The following RAD17 variants were observed in gnomAD, a reference collection of about 807,000 sequenced individuals.
The protein encoded by RAD17 is cell cycle checkpoint protein RAD17.
In RAD17, 31 loss-of-function variants were observed where a neutral mutation model predicts 81.5. The observed-to-expected ratio is 0.38, with a 90% CI of 0.29 to 0.51. The LOEUF is 0.51. RAD17 is among the 20% of genes least tolerant of loss of function. The pLI is 0.88. For missense variants in RAD17, 681 were observed against 781.2 expected, an observed-to-expected ratio of 0.87 and a Z score of 1.53; for synonymous variants, 261 against 266.2, an observed-to-expected ratio of 0.98 and a Z score of 0.19.
At position 69,411,263 on chromosome 5, in the gene RAD17, T is replaced by A. The variant is rs562005965; in HGVS notation, c.1751+713T>A. ...GTGTCTCTACTAAAAATACAAAATT[T>A]AGCTGGGTGTGGTGGCACATGCCTG... On this transcript the variant is annotated intron_variant, in intron 18 of 18. Transcript: ENST00000354868. Among the ~76,000 whole-genome samples the A allele has an allele frequency of 1.5e-3, 230 of 151,748 alleles. 1 individual carries two copies. The highest frequency in any genetic ancestry group is 3.3e-3 in the Admixed American group (50 of 15,224).
chr5:69,402,046 AC>A (rs1446791959), intron 17 of RAD17, among the ~76,000 whole-genome samples: 26 of 149,196 alleles, frequency 1.7e-4, no homozygotes, highest in African/African-American at 6.3e-4. Context: ...TAGTTTTTAA[AC>A]TTTTTGTTTT....
chr5:69,410,982 TATATATATATATATAC>T (rs1220114298), intron 18 of RAD17, among the ~76,000 whole-genome samples: 23 of 144,096 alleles, frequency 1.6e-4, no homozygotes, highest in Middle Eastern at 3.6e-3. Flanking sequence ...TATATATATA[TATATATATATATATAC>T]TGTTCATTTT....
chr5:69,404,456 A>T (rs928911852), intron 17 of RAD17, among the ~76,000 whole-genome samples: 4 of 152,120 alleles, frequency 2.6e-5, no homozygotes, highest in Non-Finnish European at 5.9e-5. Flanking sequence ...ACATGGTGAA[A>T]CCCTGTCTCT....
intron 17 of RAD17, among the ~76,000 whole-genome samples, chr5:69,406,451 C>G (rs1437096933): frequency 6.6e-6 from 1 of 152,004 alleles, no homozygotes; most frequent in Non-Finnish European, 1.5e-5. Flanking sequence ...TTCAAGAATT[C>G]TATTTTACAA....
chr5:69,410,258 T>G (rs1765883311), intron 17 of RAD17, among the ~76,000 whole-genome samples: 1 of 152,236 alleles, frequency 6.6e-6, no homozygotes, highest in South Asian at 2.1e-4. Flanking sequence ...TACACCATTT[T>G]ACATTCCCAT....
At chr5:69,385,066 T>C in intron 8 of RAD17, 133 bp downstream of exon 8, 1 of 730,956 alleles carries the variant, frequency 1.4e-6, no homozygotes. Flanking sequence ...TTCACGCCAT[T>C]CTCCTGCCTC....
intron 17 of RAD17, among the ~76,000 whole-genome samples, 195 bp downstream of exon 17, chr5:69,400,364 C>G (rs1407432223): frequency 6.6e-6 from 1 of 151,782 alleles, no homozygotes; most frequent in Non-Finnish European, 1.5e-5. Flanking sequence ...ACCACAGGCA[C>G]GCGCCCCCAC....
At chr5:69,409,962 C>T (rs1325729558) in intron 17 of RAD17, among the ~76,000 whole-genome samples, 1 of 152,130 alleles carries the variant, frequency 6.6e-6, no homozygotes, top group Non-Finnish European at 1.5e-5. Context: ...AGAATGATGT[C>T]ATCGCAGTTC....
intron 15 of RAD17, 88 bp downstream of exon 15, chr5:69,393,588 A>C (rs1764677467): frequency 2.5e-6 from 3 of 1,220,946 alleles, no homozygotes; most frequent in Admixed American, 2.6e-5. Flanking sequence ...TAATTGCCTG[A>C]CATTATTTTA....
At chr5:69,380,639 C>G (rs972233823) in intron 6 of RAD17, among the ~76,000 whole-genome samples, 1 of 151,548 alleles carries the variant, frequency 6.6e-6, no homozygotes, top group Non-Finnish European at 1.5e-5. Flanking sequence ...TGTAGGAAAT[C>G]TTTTGATATT....
chr5:69,398,355 A>T (rs1478024644), intron 16 of RAD17, among the ~76,000 whole-genome samples: 1 of 152,220 alleles, frequency 6.6e-6, no homozygotes, highest in Non-Finnish European at 1.5e-5. Flanking sequence ...TGGACAAGGT[A>T]TTCACCTAAT....
intron 18 of RAD17, among the ~76,000 whole-genome samples, chr5:69,411,225 A>C (rs746738704): frequency 2.0e-5 from 3 of 151,888 alleles, no homozygotes; most frequent in Non-Finnish European, 4.4e-5. Context: ...AGCCTGGACA[A>C]CATGGTGAAA....
At chr5:69,388,377 A>T (rs1220370356) in intron 11 of RAD17, among the ~76,000 whole-genome samples, 1 of 152,206 alleles carries the variant, frequency 6.6e-6, no homozygotes, top group Non-Finnish European at 1.5e-5. Flanking sequence ...ATTTTATCAC[A>T]GTCTGTTGCA....
At chr5:69,402,553 G>A (rs1018925794) in intron 17 of RAD17, among the ~76,000 whole-genome samples, 3 of 151,782 alleles carry the variant, frequency 2.0e-5, no homozygotes, top group African/African-American at 7.3e-5. Context: ...TACTCAGTGG[G>A]CTGAGGCAGG....
chr5:69,406,676 T>A (rs140503228), intron 17 of RAD17, among the ~76,000 whole-genome samples: 9 of 152,010 alleles, frequency 5.9e-5, no homozygotes, highest in Middle Eastern at 3.4e-3. Context: ...CTAATTTTTG[T>A]ATTTTTTTTT....
chr5:69,380,504 AAC>A (rs1763785470), intron 6 of RAD17, among the ~76,000 whole-genome samples: 1 of 152,152 alleles, frequency 6.6e-6, no homozygotes, highest in Non-Finnish European at 1.5e-5. Flanking sequence ...ATATAGTTTG[AAC>A]TCATGGTGAA....
intron 13 of RAD17, chr5:69,392,629 GGGCATCACTTAGGT>G (rs1332056674): frequency 4.6e-6 from 1 of 217,356 alleles, no homozygotes; most frequent in African/African-American, 2.3e-5. Context: ...TGAGGAAAAT[GGGCATCACTTAGGT>G]GGCAGTGAGG....
intron 11 of RAD17, among the ~76,000 whole-genome samples, chr5:69,388,698 C>G (rs188550902): frequency 3.7e-4 from 57 of 152,212 alleles, no homozygotes; most frequent in Non-Finnish European, 2.4e-4. Flanking sequence ...CCTTCATCTC[C>G]AGGTCTCAAG....
intron 12 of RAD17, 64 bp from the exon 13 acceptor site, chr5:69,391,767 G>A (rs1172055336): frequency 2.5e-6 from 3 of 1,195,210 alleles, no homozygotes; most frequent in East Asian, 2.9e-5. Flanking sequence ...TATATCTGAA[G>A]TGTTCTTAGT....
Sources: allele counts gnomAD v4.1 joint callset (sites outside exome capture counted in the v4.1 genomes callset), GRCh38; gene constraint gnomAD v4.1.1; transcripts MANE v1.5; gene names NCBI Gene and HGNC (gene_info 2026-07-23, HGNC 2026-07-21).